The following FUT9 variants were observed in gnomAD, a reference collection of about 807,000 sequenced individuals.
FUT9 encodes the protein 4-galactosyl-N-acetylglucosaminide 3-alpha-L-fucosyltransferase 9.
FUT9 carries 15 observed loss-of-function variants against 29.7 expected under a neutral mutation model. The ratio of observed to expected loss-of-function variants is 0.51; its 90% confidence interval spans 0.34 to 0.78. FUT9 has a LOEUF of 0.78. FUT9 is among the 30% of genes least tolerant of loss of function. The pLI, the probability that FUT9 is intolerant of heterozygous loss-of-function variation, is 0.01. For missense variants in FUT9, 319 were observed against 425.4 expected, an observed-to-expected ratio of 0.75 and a Z score of 2.20; for synonymous variants, 169 against 153.7, an observed-to-expected ratio of 1.10 and a Z score of -0.74.
Position 96,215,150 on chromosome 6 carries a change from C to T in FUT9, c.*10915C>T, listed in dbSNP as rs1774013850. The T allele has an allele frequency of 6.0e-6, 1 of 166,910 alleles. No individual in the cohort carries two copies. Among genetic ancestry groups the T allele is most frequent in the Admixed American group, 6.6e-5 (1 of 15,252 alleles). 10.3% of individuals were successfully genotyped at this position (166,910 alleles called of 1,614,324 possible). On this transcript the variant is annotated 3_prime_UTR_variant, in exon 3 of 3. Coordinates refer to ENST00000302103, the MANE Select transcript of FUT9 (RefSeq NM_006581.4). ...AACATAACACTTTAAGGCAGCTAAG[C>T]AAATATTTTAATAAGCCATGAAAGG...
chr6:96,190,570 A>G (rs1013046305), intron 2 of FUT9, among the ~76,000 whole-genome samples: 13 of 152,122 alleles, frequency 8.5e-5, no homozygotes, highest in Non-Finnish European at 1.8e-4. Flanking sequence ...TGGTCTTTCC[A>G]CATAGTCCCA....
At chr6:96,188,842 T>C (rs778257348) in intron 2 of FUT9, among the ~76,000 whole-genome samples, 1 of 151,962 alleles carries the variant, frequency 6.6e-6, no homozygotes, top group Non-Finnish European at 1.5e-5. Context: ...GTTAGCTCCT[T>C]GGTCAGTCAT....
chr6:96,104,951 A>G (rs1209516961), intron 1 of FUT9, among the ~76,000 whole-genome samples: 2 of 152,230 alleles, frequency 1.3e-5, no homozygotes, highest in South Asian at 2.1e-4. Flanking sequence ...AGAAGAACAA[A>G]TAAGAACAAA....
chr6:96,214,774 G>A lies in FUT9; in HGVS notation c.*10539G>A, dbSNP rs1341941212. The A allele has an allele frequency of 6.0e-6, 1 of 166,734 alleles. No individual in the cohort carries two copies. The highest frequency in any genetic ancestry group is 2.1e-4 in the South Asian group (1 of 4,804). The allele number at this position is 166,734 out of a possible 1,614,324, so 10.3% of individuals were successfully genotyped here. ...ACAGTAAGCATTTACACTGTTGGAA[G>A]GTAATTTCATTGCTATGTTATTAAA... On this transcript the variant is annotated 3_prime_UTR_variant, in exon 3 of 3. Transcript: ENST00000302103.
intron 1 of FUT9, among the ~76,000 whole-genome samples, chr6:96,039,249 A>G (rs1221458058): frequency 6.6e-6 from 1 of 152,102 alleles, no homozygotes; most frequent in East Asian, 1.9e-4. Flanking sequence ...ATATGCCATT[A>G]GTGAAAACCA....
chr6:96,212,446 T>C lies in FUT9; in HGVS notation c.*8211T>C. ...AGTCTACTTTTTAGATAAAAGATAA[T>C]CTATCTTGAATATTTCATATGTGAT... On this transcript the variant is annotated 3_prime_UTR_variant, in exon 3 of 3. Coordinates refer to ENST00000302103, the MANE Select transcript of FUT9 (RefSeq NM_006581.4). 2.4e-6 allele frequency: 1 copy of C among 411,288 alleles called. No individual in the cohort carries two copies. Among genetic ancestry groups the C allele is most frequent in the Non-Finnish European group, 4.4e-6 (1 of 224,784 alleles). 25.5% of individuals were successfully genotyped at this position (411,288 alleles called of 1,614,324 possible).
intron 1 of FUT9, among the ~76,000 whole-genome samples, chr6:96,083,897 A>G (rs1771277262): frequency 6.6e-6 from 1 of 151,922 alleles, no homozygotes. Context: ...CTATTTCTTG[A>G]GTGTCTTCCA....
intron 1 of FUT9, among the ~76,000 whole-genome samples, chr6:96,073,232 C>T (rs900479552): frequency 6.6e-6 from 1 of 152,054 alleles, no homozygotes; most frequent in African/African-American, 2.4e-5. Context: ...AGGTGGATCA[C>T]AAGGTCAGGT....
intron 1 of FUT9, among the ~76,000 whole-genome samples, chr6:96,057,689 T>C (rs530751532): frequency 3.3e-5 from 5 of 152,312 alleles, no homozygotes; most frequent in African/African-American, 9.6e-5. Context: ...AGAAAATTAG[T>C]GTGAGCACAG....
chr6:96,020,632 T>A (rs1325080), intron 1 of FUT9, among the ~76,000 whole-genome samples: 1 of 151,922 alleles, frequency 6.6e-6, no homozygotes, highest in South Asian at 2.1e-4. Context: ...TATTCTTGGT[T>A]ATGGTGGCTC....
At chr6:96,151,467 A>G (rs4289659) in intron 2 of FUT9, among the ~76,000 whole-genome samples, 138,802 of 152,208 alleles carry the variant, frequency 0.91, 64,652 homozygotes, top group Non-Finnish European at 1. Context: ...ATCAGGCCAA[A>G]TGCAGACATA....
chr6:96,177,772 A>T (rs1029916280), intron 2 of FUT9, among the ~76,000 whole-genome samples: 2 of 152,178 alleles, frequency 1.3e-5, no homozygotes, highest in African/African-American at 4.8e-5. Flanking sequence ...TTCTCAAAAC[A>T]ATCCTATAAG....
chr6:96,107,842 A>G (rs1318640089), intron 1 of FUT9, among the ~76,000 whole-genome samples: 1 of 152,186 alleles, frequency 6.6e-6, no homozygotes, highest in Non-Finnish European at 1.5e-5. Flanking sequence ...CACTTTAACT[A>G]TAGAGTCAAG....
At chr6:96,043,000 A>G (rs1369558276) in intron 1 of FUT9, among the ~76,000 whole-genome samples, 1 of 152,204 alleles carries the variant, frequency 6.6e-6, no homozygotes, top group East Asian at 1.9e-4. Context: ...GCAAAATAAA[A>G]TACATTTTAC....
At chr6:96,106,542 G>C (rs1213884255) in intron 1 of FUT9, among the ~76,000 whole-genome samples, 1 of 152,070 alleles carries the variant, frequency 6.6e-6, no homozygotes, top group African/African-American at 2.4e-5. Context: ...ATCTTTGGCT[G>C]ACTTTACCTC....
At position 96,203,371 on chromosome 6, in the gene FUT9, A is replaced by G; in HGVS notation, c.216A>G (p.Pro72=). The G allele has an allele frequency of 6.2e-7, 1 of 1,612,928 alleles. No individual in the cohort carries two copies. Among genetic ancestry groups the G allele is most frequent in the South Asian group, 1.1e-5 (1 of 90,982 alleles). Residue 72 remains proline (P), a synonymous_variant, in exon 3 of 3, where the codon CCA becomes CCG. Coordinates refer to ENST00000302103, the MANE Select transcript of FUT9 (RefSeq NM_006581.4). The part of the protein sequence containing the change: ...NETTILVWVW[P]FGQTFDLTSC... ...CTACTATTCTGGTGTGGGTGTGGCC[A>G]TTTGGGCAGACCTTTGACCTTACAT...
At chr6:96,031,922 A>C (rs1223497805) in intron 1 of FUT9, among the ~76,000 whole-genome samples, 1 of 151,612 alleles carries the variant, frequency 6.6e-6, no homozygotes, top group Non-Finnish European at 1.5e-5. Flanking sequence ...AACTAACTAA[A>C]TAAAAATGAC....
intron 1 of FUT9, among the ~76,000 whole-genome samples, chr6:96,025,960 C>T (rs577613505): frequency 5.3e-5 from 8 of 151,602 alleles, no homozygotes; most frequent in Non-Finnish European, 4.4e-5. Flanking sequence ...TCCCAATTTC[C>T]ACAAGGCAAC....
intron 1 of FUT9, among the ~76,000 whole-genome samples, chr6:96,112,485 G>A (rs909634182): frequency 1.3e-5 from 2 of 152,080 alleles, no homozygotes; most frequent in African/African-American, 4.8e-5. Flanking sequence ...AGGGTGAAAA[G>A]GTACTAAATT....
Sources: gnomAD v4.1 joint callset for allele counts (sites outside exome capture counted in the v4.1 genomes callset) on GRCh38, gnomAD v4.1.1 for gene constraint, MANE v1.5 for transcripts, NCBI Gene and HGNC (gene_info 2026-07-23, HGNC 2026-07-21) for gene names.